The following CNTLN variants were observed in gnomAD, a reference collection of about 807,000 sequenced individuals.
CNTLN encodes centlein.
Under a neutral mutation model 180.0 loss-of-function variants are expected in CNTLN, and 212 were observed. That is an observed-to-expected ratio of 1.18 (90% CI 1.05 to 1.32). The LOEUF is 1.32. CNTLN is among the 40% of genes most tolerant of loss of function. The probability of loss-of-function intolerance (pLI) is 0.00; values close to 1 mark genes in which losing one functional copy is unlikely to be tolerated. For synonymous variants in CNTLN, 722 were observed against 563.1 expected (o/e 1.28, Z -3.99); for missense variants, 2,095 against 1,610.9 (o/e 1.30, Z -5.14).
chr9:17,409,622 A>T, intron 16 of CNTLN, 149 bp downstream of exon 16: 1 of 567,436 alleles, frequency 1.8e-6, no homozygotes, highest in Non-Finnish European at 2.9e-6. Flanking sequence ...TTCACTTTTA[A>T]ATAATTTTCA....
chr9:17,446,870 T>A (rs1360863402), intron 18 of CNTLN, among the ~76,000 whole-genome samples: 4 of 152,204 alleles, frequency 2.6e-5, no homozygotes, highest in African/African-American at 9.7e-5. Flanking sequence ...TGAAATCTGA[T>A]TTCTAGGAAA....
At chr9:17,184,216 G>T (rs1821293981) in intron 2 of CNTLN, among the ~76,000 whole-genome samples, 1 of 152,054 alleles carries the variant, frequency 6.6e-6, no homozygotes, top group Non-Finnish European at 1.5e-5. Context: ...AATCATAAAT[G>T]AATTTAATTA....
chr9:17,449,443 T>C (rs1330861497), intron 18 of CNTLN, among the ~76,000 whole-genome samples: 2 of 151,922 alleles, frequency 1.3e-5, no homozygotes, highest in Non-Finnish European at 2.9e-5. Flanking sequence ...CATGTATACA[T>C]ATGTAACTAA....
At chr9:17,295,012 G>C (rs1377630185) in intron 6 of CNTLN, among the ~76,000 whole-genome samples, 1 of 151,840 alleles carries the variant, frequency 6.6e-6, no homozygotes, top group Admixed American at 6.5e-5. Flanking sequence ...GAGAAATTGA[G>C]AGCAGCGCCG....
the CNTLN span, among the ~76,000 whole-genome samples, chr9:17,509,139 A>G: frequency 5.9e-5 from 9 of 152,238 alleles, no homozygotes; most frequent in Non-Finnish European, 8.8e-5. Flanking sequence ...AAGTTATGGC[A>G]TATGCTCAGA....
At chr9:17,481,510 CAG>C (rs1381717243) in intron 23 of CNTLN, among the ~76,000 whole-genome samples, 1 of 152,130 alleles carries the variant, frequency 6.6e-6, no homozygotes, top group African/African-American at 2.4e-5. Flanking sequence ...TAGTCCTGTC[CAG>C]AGAGAGAACC....
At chr9:17,416,806 C>A (rs1466126634) in intron 18 of CNTLN, among the ~76,000 whole-genome samples, 1 of 151,922 alleles carries the variant, frequency 6.6e-6, no homozygotes, top group Non-Finnish European at 1.5e-5. Flanking sequence ...ATTTTTTGTT[C>A]TTTAGGTCTT....
rs1821422889 is a variant in CNTLN at position 17,340,847 on chromosome 9, A to G, written c.1665A>G (p.Leu555=). ...TACAGAGCCAAGAAAATGATGAGCTAAGAGATGCCCATGAAAAACGCAAGG... is the reference window on the plus strand; with the variant it reads ...TACAGAGCCAAGAAAATGATGAGCTGAGAGATGCCCATGAAAAACGCAAGG... ...LQLKSQENDE[L]RDAHEKRKER... is the part of the protein sequence containing the mutation. Residue 555 remains leucine (L), a synonymous_variant, in exon 11 of 26, where the codon CTA becomes CTG. Coordinates refer to ENST00000380647, the MANE Select transcript of CNTLN (RefSeq NM_017738.4). 6.2e-7 allele frequency: 1 copy of G among 1,611,302 alleles called. No homozygotes were observed. Among genetic ancestry groups the G allele is most frequent in the Non-Finnish European group, 8.5e-7 (1 of 1,178,558 alleles).
At chr9:17,474,451 T>C (rs1408199653) in intron 23 of CNTLN, among the ~76,000 whole-genome samples, 1 of 152,202 alleles carries the variant, frequency 6.6e-6, no homozygotes, top group Non-Finnish European at 1.5e-5. Flanking sequence ...CCCAGGAGTC[T>C]GCTACCTGTC....
chr9:17,226,981 G>A (rs1461490535), intron 3 of CNTLN, among the ~76,000 whole-genome samples: 3 of 151,432 alleles, frequency 2.0e-5, no homozygotes, highest in African/African-American at 7.3e-5. Context: ...TGTGCACAAC[G>A]TGCAGGTTTG....
At chr9:17,438,026 G>A (rs566973627) in intron 18 of CNTLN, among the ~76,000 whole-genome samples, 1 of 152,304 alleles carries the variant, frequency 6.6e-6, no homozygotes, top group East Asian at 1.9e-4. Flanking sequence ...ATAGCAGTTT[G>A]TTGAGAATAG....
chr9:17,237,333 G>C (rs1825210040), intron 5 of CNTLN, among the ~76,000 whole-genome samples: 1 of 139,720 alleles, frequency 7.2e-6, no homozygotes, highest in African/African-American at 2.7e-5. Context: ...AAATATGGTG[G>C]TCTCTCCATG....
At chr9:17,388,079 C>T in intron 13 of CNTLN, 83 bp from the exon 14 acceptor site, 5 of 837,538 alleles carry the variant, frequency 6.0e-6, no homozygotes, top group Non-Finnish European at 9.0e-6. Flanking sequence ...GTTGAAAAAC[C>T]ATAGAACCCT....
At chr9:17,438,031 G>C (rs1276219650) in intron 18 of CNTLN, among the ~76,000 whole-genome samples, 3 of 152,184 alleles carry the variant, frequency 2.0e-5, no homozygotes, top group African/African-American at 7.2e-5. Flanking sequence ...AGTTTGTTGA[G>C]AATAGTGAAT....
At chr9:17,446,875 A>G (rs1830462141) in intron 18 of CNTLN, among the ~76,000 whole-genome samples, 1 of 152,216 alleles carries the variant, frequency 6.6e-6, no homozygotes, top group Non-Finnish European at 1.5e-5. Context: ...TCTGATTTCT[A>G]GGAAAACCAA....
At chr9:17,338,351 T>TTTTTTTTTTTTTTG (rs1821215509) in intron 10 of CNTLN, among the ~76,000 whole-genome samples, 1 of 146,930 alleles carries the variant, frequency 6.8e-6, no homozygotes. Context: ...TTTTTTTTTT[T>TTTTTTTTTTTTTTG]TTTTAGAGAT....
In CNTLN at chr9:17,364,455, A is replaced by G. The variant is rs192800687; in HGVS notation, c.1887-2162A>G. Among the ~76,000 whole-genome samples the G allele has an allele frequency of 5.3e-5, 8 of 151,984 alleles. No homozygotes were observed. The East Asian group carries it at 9.7e-4, about 18-fold the overall frequency. ...ATTGCTTTATTTCATATTTTTAGAT[A>G]TATTATTTGATTATTTTTGTCTATT... is the stretch of plus-strand genomic sequence containing the variant. On this transcript the variant is annotated intron_variant, in intron 12 of 25. Transcript: ENST00000380647.
At chr9:17,206,535 T>C (rs1587141354) in intron 2 of CNTLN, among the ~76,000 whole-genome samples, 1 of 152,222 alleles carries the variant, frequency 6.6e-6, no homozygotes, top group African/African-American at 2.4e-5. Context: ...GTGTGGTTTT[T>C]ATTAATTGTG....
the CNTLN span, among the ~76,000 whole-genome samples, chr9:17,525,448 C>T: frequency 6.6e-6 from 1 of 152,068 alleles, no homozygotes; most frequent in African/African-American, 2.4e-5. Context: ...TGGCATGATT[C>T]AGAGTTTTTA....
Sources: allele counts gnomAD v4.1 joint callset (sites outside exome capture counted in the v4.1 genomes callset), GRCh38; gene constraint gnomAD v4.1.1; transcripts MANE v1.5; gene names NCBI Gene and HGNC (gene_info 2026-07-23, HGNC 2026-07-21).